The following FIGN variants were observed in gnomAD, a reference collection of about 807,000 sequenced individuals.
FIGN encodes fidgetin, microtubule severing factor, also known as fidgetin.
In FIGN, 11 loss-of-function variants were observed where a neutral mutation model predicts 51.3. That is an observed-to-expected ratio of 0.21 (90% confidence interval 0.13 to 0.35). FIGN has a LOEUF of 0.35. Among genes scored for constraint, FIGN ranks in the 10% least tolerant of loss-of-function variants. The pLI is 1.00. For synonymous variants in FIGN, 407 were observed against 363.2 expected, an observed-to-expected ratio of 1.12 and a Z score of -1.37; for missense variants, 857 against 943.6, an observed-to-expected ratio of 0.91 and a Z score of 1.20.
chr2:163,734,812 C>T lies in FIGN; in HGVS notation c.25+91G>A, dbSNP rs1398693422. On this transcript the variant is annotated intron_variant, in intron 2 of 2. Transcript: ENST00000333129. Reference sequence around the variant, plus strand: ...AGGAATTCTATATCATGAGCAACTGCTTGCCAGGCAGTCTTCAATGGTTTT... The same window carrying T: ...AGGAATTCTATATCATGAGCAACTGTTTGCCAGGCAGTCTTCAATGGTTTT... 7.5e-6 allele frequency: 9 copies of T among 1,206,128 alleles called. No homozygotes were observed. In the Admixed American group the frequency reaches 9.8e-5, roughly 13 times the overall value. The allele number at this position is 1,206,128 out of a possible 1,614,324, so 74.7% of individuals were successfully genotyped here. A position where few individuals can be genotyped will look rare whatever the true frequency, so the allele number is the denominator to read the frequency against.
chr2:163,711,067 C>G (rs1355713217), intron 2 of FIGN, among the ~76,000 whole-genome samples: 1 of 152,102 alleles, frequency 6.6e-6, no homozygotes, highest in Non-Finnish European at 1.5e-5. Context: ...CATTTTTAAC[C>G]ACAGAGCTGC....
intron 2 of FIGN, among the ~76,000 whole-genome samples, chr2:163,633,167 GA>G (rs1405803513): frequency 6.6e-6 from 1 of 152,034 alleles, no homozygotes; most frequent in African/African-American, 2.4e-5. Context: ...CTGAGCAACA[GA>G]ATGAGACCCA....
intron 2 of FIGN, among the ~76,000 whole-genome samples, chr2:163,633,613 A>G (rs1018205265): frequency 7.2e-5 from 11 of 152,306 alleles, no homozygotes; most frequent in Admixed American, 2.6e-4. Context: ...GCATTGACAG[A>G]GTCCCAGAAT....
At chr2:163,644,711 A>C (rs1020337159) in intron 2 of FIGN, among the ~76,000 whole-genome samples, 23 of 152,240 alleles carry the variant, frequency 1.5e-4, no homozygotes, top group Non-Finnish European at 2.6e-4. Context: ...GGATTAAAAA[A>C]AGTCATATCC....
intron 2 of FIGN, among the ~76,000 whole-genome samples, chr2:163,712,058 T>A (rs1296813517): frequency 1.3e-5 from 2 of 152,088 alleles, no homozygotes; most frequent in Non-Finnish European, 2.9e-5. Context: ...TGCCTTTTTT[T>A]AAACATAAGA....
At chr2:163,700,790 T>G (rs1231641323) in intron 2 of FIGN, among the ~76,000 whole-genome samples, 1 of 152,132 alleles carries the variant, frequency 6.6e-6, no homozygotes, top group Non-Finnish European at 1.5e-5. Context: ...TACTGATGGC[T>G]TTTCCTCTGA....
chr2:163,610,648 G>A lies in FIGN; in HGVS notation c.1184C>T (p.Ser395Phe), dbSNP rs772109899. The change falls in exon 3 of 3, where the codon TCC (serine) becomes TTC (phenylalanine). Residue 395 changes from serine to phenylalanine, a missense_variant. Physicochemically the swap from Ser to Phe is radical, Grantham distance 155. Coordinates refer to ENST00000333129, the MANE Select transcript of FIGN (RefSeq NM_018086.4). ...GGAAGGAGGGGTCAGAGCCCTACTG[G>A]ACTGGCTGCTGAATTTCCTTTGCTG... ...SEQQRKFSSQ[S>F]SRALTPPSYS... 1 of 1,614,200 alleles carries A rather than the reference G, an allele frequency of 6.2e-7. No individual in the cohort carries two copies.
intron 2 of FIGN, among the ~76,000 whole-genome samples, chr2:163,665,779 A>C (rs149335114): frequency 6.6e-6 from 1 of 152,320 alleles, no homozygotes; most frequent in East Asian, 1.9e-4. Context: ...ATAAGAGAGT[A>C]TCATTTAATG....
At chr2:163,731,079 CTTAA>C (rs1684920205) in intron 2 of FIGN, among the ~76,000 whole-genome samples, 1 of 152,100 alleles carries the variant, frequency 6.6e-6, no homozygotes, top group African/African-American at 2.4e-5. Flanking sequence ...AAAGTGATTA[CTTAA>C]TTAGGCAATC....
At chr2:163,709,306 T>A (rs1486414726) in intron 2 of FIGN, among the ~76,000 whole-genome samples, 1 of 152,212 alleles carries the variant, frequency 6.6e-6, no homozygotes, top group East Asian at 1.9e-4. Context: ...GCCAGTTTTT[T>A]ATGTAATCCA....
intron 2 of FIGN, among the ~76,000 whole-genome samples, chr2:163,631,881 C>G (rs909036657): frequency 2.0e-5 from 3 of 152,200 alleles, no homozygotes; most frequent in Admixed American, 2.0e-4. Flanking sequence ...GGCGCAGTGA[C>G]TCACACCTGT....
chr2:163,647,147 A>G (rs1394831733), intron 2 of FIGN, among the ~76,000 whole-genome samples: 3 of 152,258 alleles, frequency 2.0e-5, no homozygotes, highest in Non-Finnish European at 4.4e-5. Context: ...TCAATATACC[A>G]AAGAGATTAG....
At chr2:163,639,021 G>A (rs1358154103) in intron 2 of FIGN, among the ~76,000 whole-genome samples, 1 of 151,976 alleles carries the variant, frequency 6.6e-6, no homozygotes, top group Non-Finnish European at 1.5e-5. Flanking sequence ...GAATTTTTAT[G>A]GATTCTCACT....
At chr2:163,650,984 C>T (rs6432768) in intron 2 of FIGN, among the ~76,000 whole-genome samples, 1 of 152,128 alleles carries the variant, frequency 6.6e-6, no homozygotes, top group African/African-American at 2.4e-5. Context: ...TTGAGGACAG[C>T]CTGATGATTT....
Position 163,643,309 on chromosome 2 carries a change from C to G in FIGN, c.26-31503G>C, listed in dbSNP as rs181184003. Among the ~76,000 whole-genome samples the G allele has an allele frequency of 7.9e-5, 12 of 152,226 alleles. No homozygotes were observed. The East Asian group carries it at 2.3e-3, about 29-fold the overall frequency. The stretch of plus-strand genomic sequence containing the variant: ...GTCTTTTCAACAAATGGTGATAGGA[C>G]AAGTAGGTAGCAACATACAAAAGAA... On this transcript the variant is annotated intron_variant, in intron 2 of 2. Coordinates refer to ENST00000333129, the MANE Select transcript of FIGN (RefSeq NM_018086.4).
At chr2:163,612,036 G>T (rs368129070) in intron 2 of FIGN, among the ~76,000 whole-genome samples, 1 of 152,140 alleles carries the variant, frequency 6.6e-6, no homozygotes, top group East Asian at 1.9e-4. Context: ...ATATAACTCT[G>T]TAGTTACCTA....
In FIGN at chr2:163,665,970, G is replaced by A. The variant is rs1426919806; in HGVS notation, c.26-54164C>T. Among the ~76,000 whole-genome samples the A allele has an allele frequency of 2.0e-5, 3 of 152,316 alleles. No homozygotes were observed. The East Asian group carries it at 5.8e-4, about 29-fold the overall frequency. On this transcript the variant is annotated intron_variant, in intron 2 of 2. Coordinates refer to ENST00000333129, the MANE Select transcript of FIGN (RefSeq NM_018086.4). Reference sequence around the variant, plus strand: ...ATTATATGATGAAAGCCACCATGGTGCATGTCACATGACTATGGCAGAAAA... The same window carrying A: ...ATTATATGATGAAAGCCACCATGGTACATGTCACATGACTATGGCAGAAAA...
At chr2:163,714,110 C>T (rs970665961) in intron 2 of FIGN, among the ~76,000 whole-genome samples, 1 of 152,186 alleles carries the variant, frequency 6.6e-6, no homozygotes, top group African/African-American at 2.4e-5. Flanking sequence ...TACACGGCTC[C>T]TTGTTCCAGG....
intron 2 of FIGN, among the ~76,000 whole-genome samples, chr2:163,675,767 A>G (rs1360981039): frequency 1.5e-5 from 2 of 130,276 alleles, no homozygotes; most frequent in Non-Finnish European, 1.6e-5. Context: ...AATTGTATGG[A>G]AACACTGCAC....
Sources: gnomAD v4.1 joint callset for allele counts (sites outside exome capture counted in the v4.1 genomes callset) on GRCh38, gnomAD v4.1.1 for gene constraint, MANE v1.5 for transcripts, NCBI Gene and HGNC (gene_info 2026-07-23, HGNC 2026-07-21) for gene names.